The following CTNNA2 variants were observed in gnomAD, a reference collection of about 807,000 sequenced individuals.
CTNNA2 encodes catenin alpha 2.
In CTNNA2, 42 loss-of-function variants were observed where a neutral mutation model predicts 101.0. The ratio of observed to expected loss-of-function variants is 0.42; its 90% CI spans 0.32 to 0.54. The LOEUF (loss-of-function observed/expected upper bound fraction) is 0.54, where lower values mean the gene tolerates loss of function less well. Among genes scored for constraint, CTNNA2 ranks in the 20% least tolerant of loss-of-function variants. CTNNA2 has a pLI of 0.14. For synonymous variants in CTNNA2, 450 were observed against 456.4 expected (o/e 0.99, Z 0.18); for missense variants, 871 against 1,223.1 (o/e 0.71, Z 4.29).
chr2:79,835,666 G>GTTTTTTT lies in CTNNA2; in HGVS notation c.299-22316_299-22310dup, dbSNP rs70940048. On this transcript the variant is annotated intron_variant, in intron 3 of 18. Transcript: ENST00000402739. ...CTGTGCTGCAGAATGGCCTCTCTTT[G>GTTTTTTT]TTTTTTTTTTTTTTTTTTTTTTTTT... Among the ~76,000 whole-genome samples, 69 of 58,632 alleles carry GTTTTTTT rather than the reference G, an allele frequency of 1.2e-3. 18 individuals carry two copies. Among genetic ancestry groups the GTTTTTTT allele is most frequent in the African/African-American group, 4.2e-3 (58 of 13,694 alleles). 38.5% of individuals were successfully genotyped at this position (58,632 alleles called of 152,430 possible).
chr2:80,557,788 A>AAC (rs1693175657), intron 12 of CTNNA2, among the ~76,000 whole-genome samples: 1 of 152,198 alleles, frequency 6.6e-6, no homozygotes, highest in African/African-American at 2.4e-5. Context: ...AGTTGATTGT[A>AAC]ATATTTTAAC....
At chr2:79,555,158 A>G (rs1050253083) in intron 1 of CTNNA2, among the ~76,000 whole-genome samples, 3 of 152,184 alleles carry the variant, frequency 2.0e-5, no homozygotes, top group African/African-American at 7.2e-5. Context: ...TGCAGGTGAC[A>G]TCCTTAGGAT....
At position 79,663,387 on chromosome 2, in the gene CTNNA2, C is replaced by T. The variant is rs550318871; in HGVS notation, c.102+11729C>T. 5.6e-4 allele frequency among the ~76,000 whole-genome samples: 86 copies of T among 152,310 alleles called. No homozygotes were observed. In the South Asian group the frequency reaches 0.015, roughly 27 times the overall value. On this transcript the variant is annotated intron_variant, in intron 2 of 18. Coordinates refer to ENST00000402739, the MANE Select transcript of CTNNA2 (RefSeq NM_001282597.3). ...TGAGGATGAAATTAACACTCCTAAC[C>T]ATGTCCTGATTTGTACCTTGCTGTA...
chr2:80,304,601 C>T (rs1676723797), intron 7 of CTNNA2: 1 of 152,716 alleles, frequency 6.5e-6, no homozygotes, highest in Non-Finnish European at 1.5e-5. Context: ...AGCGGGCTCA[C>T]TCATGCTTTG....
chr2:80,140,600 G>T (rs570812173), intron 7 of CTNNA2, among the ~76,000 whole-genome samples: 1 of 152,204 alleles, frequency 6.6e-6, no homozygotes, highest in African/African-American at 2.4e-5. Context: ...ATAATTACAT[G>T]CAGTCATAAA....
At chr2:80,355,059 A>T (rs144148936) in intron 7 of CTNNA2, among the ~76,000 whole-genome samples, 1 of 152,292 alleles carries the variant, frequency 6.6e-6, no homozygotes, top group South Asian at 2.1e-4. Context: ...GGGCTGGTTT[A>T]TCATGTGCTA....
At position 79,290,053 on chromosome 2, in the gene CTNNA2, C is replaced by G. The variant is rs192525700; in HGVS notation, c.-405-22656C>G. Among the ~76,000 whole-genome samples the G allele has an allele frequency of 1.1e-4, 17 of 152,278 alleles. 1 individual carries two copies. Among genetic ancestry groups the G allele is most frequent in the Admixed American group, 9.2e-4 (14 of 15,300 alleles). ...TGAGAAACAGTTAGGGGGCTACATA[C>G]TCAGGTGCCCACTGTGCATTTGCAT... On this transcript the variant is annotated intron_variant, in intron 2 of 21. Transcript: ENST00000466387.
chr2:79,967,977 C>T (rs67897660), intron 7 of CTNNA2, among the ~76,000 whole-genome samples: 40,710 of 151,998 alleles, frequency 0.27, 6,490 homozygotes, highest in African/African-American at 0.44. Context: ...GCATGATTCC[C>T]TTTATATAAA....
intron 3 of CTNNA2, among the ~76,000 whole-genome samples, chr2:79,841,858 A>G (rs1328071271): frequency 2.0e-5 from 3 of 152,246 alleles, no homozygotes; most frequent in African/African-American, 7.2e-5. Flanking sequence ...AGTTGTCTCT[A>G]GTTACAGAAC....
intron 7 of CTNNA2, among the ~76,000 whole-genome samples, chr2:79,921,695 C>G (rs923497087): frequency 1.3e-5 from 2 of 152,134 alleles, no homozygotes; most frequent in Non-Finnish European, 2.9e-5. Context: ...TTCTTAACAG[C>G]TTAATTGCTG....
At chr2:80,619,747 C>T (rs1436234588) in intron 18 of CTNNA2, among the ~76,000 whole-genome samples, 3 of 151,862 alleles carry the variant, frequency 2.0e-5, no homozygotes, top group Non-Finnish European at 4.4e-5. Context: ...AATGCAGTGA[C>T]TAAAATGTTC....
chr2:79,771,008 C>T (rs541454979), intron 3 of CTNNA2, among the ~76,000 whole-genome samples: 4 of 152,278 alleles, frequency 2.6e-5, no homozygotes, highest in African/African-American at 7.2e-5. Context: ...GCTGGTTGGC[C>T]TCTAACCTCG....
chr2:79,235,535 T>G (rs1178871897), intron 2 of CTNNA2, among the ~76,000 whole-genome samples: 1 of 152,100 alleles, frequency 6.6e-6, no homozygotes, highest in African/African-American at 2.4e-5. Flanking sequence ...TAATCCACAG[T>G]GCTCCCCCAG....
intron 9 of CTNNA2, among the ~76,000 whole-genome samples, chr2:80,499,917 G>A (rs1475512403): frequency 6.9e-6 from 1 of 145,946 alleles, no homozygotes; most frequent in Non-Finnish European, 1.5e-5. Context: ...TTTTGTGTAT[G>A]TTTGAAACGT....
At chr2:80,220,633 T>G (rs1708521426) in intron 7 of CTNNA2, among the ~76,000 whole-genome samples, 1 of 152,214 alleles carries the variant, frequency 6.6e-6, no homozygotes. Context: ...ACTGCTGCAT[T>G]TGTCATGGAT....
At chr2:79,319,963 T>G (rs2104408069) in intron 3 of CTNNA2, 1 of 152,322 alleles carries the variant, frequency 6.6e-6, no homozygotes, top group South Asian at 2.1e-4. Context: ...TGATTTATTT[T>G]TCTTCCCAGC....
At chr2:79,981,975 A>C (rs956381756) in intron 7 of CTNNA2, among the ~76,000 whole-genome samples, 7 of 151,732 alleles carry the variant, frequency 4.6e-5, no homozygotes, top group African/African-American at 1.5e-4. Context: ...GAACTTCAAA[A>C]GATTGTTGTA....
chr2:79,384,211 G>A (rs1274113208), intron 4 of CTNNA2, among the ~76,000 whole-genome samples: 7 of 152,092 alleles, frequency 4.6e-5, no homozygotes, highest in Non-Finnish European at 1.0e-4. Context: ...TAATTAAAAA[G>A]CCTTTCATCA....
intron 3 of CTNNA2, among the ~76,000 whole-genome samples, chr2:79,747,481 TAG>T (rs1252385015): frequency 2.0e-5 from 3 of 152,232 alleles, no homozygotes; most frequent in Non-Finnish European, 2.9e-5. Context: ...GTATTCATAG[TAG>T]AGAGTGGTTT....
Sources: gnomAD v4.1 joint callset for allele counts (sites outside exome capture counted in the v4.1 genomes callset) on GRCh38, gnomAD v4.1.1 for gene constraint, MANE v1.5 for transcripts, NCBI Gene and HGNC (gene_info 2026-07-23, HGNC 2026-07-21) for gene names.